The following TPD52L1 variants were observed in gnomAD, a reference collection of about 807,000 sequenced individuals.
TPD52L1 encodes TPD52 like 1.
A neutral mutation model predicts 28.7 loss-of-function variants in TPD52L1; 18 were observed. That is an observed-to-expected ratio of 0.63 (90% CI 0.43 to 0.93). The LOEUF (loss-of-function observed/expected upper bound fraction) is 0.93. TPD52L1 is among the 40% of genes least tolerant of loss of function. The probability of loss-of-function intolerance (pLI) is 0.00; values close to 1 mark genes in which losing one functional copy is unlikely to be tolerated. For missense variants in TPD52L1, 203 were observed against 254.8 expected (o/e 0.80, Z 1.39); for synonymous variants, 75 against 88.8 (o/e 0.84, Z 0.88).
intron 2 of TPD52L1, among the ~76,000 whole-genome samples, chr6:125,221,170 A>T (rs574324257): frequency 6.6e-6 from 1 of 152,172 alleles, no homozygotes; most frequent in Non-Finnish European, 1.5e-5. Flanking sequence ...TACAAGACAC[A>T]CCTCCAAGTT....
At chr6:125,241,746 A>G (rs774294633) in intron 3 of TPD52L1, among the ~76,000 whole-genome samples, 4 of 151,094 alleles carry the variant, frequency 2.6e-5, no homozygotes, top group Non-Finnish European at 4.4e-5. Flanking sequence ...TGGTCTATCA[A>G]TTTTGTTTAT....
At chr6:125,169,884 T>C (rs73771237) in intron 1 of TPD52L1, among the ~76,000 whole-genome samples, 9,483 of 152,170 alleles carry the variant, frequency 0.062, 574 homozygotes, top group East Asian at 0.33. Context: ...GGCCTTTCCT[T>C]CTTCCTCTTT....
At chr6:125,261,285 C>G (rs2039922) in intron 6 of TPD52L1, 45 of 151,852 alleles carry the variant, frequency 3.0e-4, no homozygotes, top group African/African-American at 1.1e-3. Flanking sequence ...ACAATTAGAG[C>G]GAAGTGTGTT....
chr6:125,196,122 AT>A (rs1793427033), intron 1 of TPD52L1, among the ~76,000 whole-genome samples: 1 of 152,208 alleles, frequency 6.6e-6, no homozygotes, highest in Non-Finnish European at 1.5e-5. Context: ...AAAGATTCTA[AT>A]TCAGTAGGAC....
intron 1 of TPD52L1, among the ~76,000 whole-genome samples, chr6:125,198,465 A>G (rs1229849246): frequency 6.6e-6 from 1 of 152,156 alleles, no homozygotes; most frequent in East Asian, 1.9e-4. Flanking sequence ...AGAGAGATCT[A>G]TTTACAAACA....
At chr6:125,209,663 G>A (rs946808867) in intron 1 of TPD52L1, among the ~76,000 whole-genome samples, 5 of 152,180 alleles carry the variant, frequency 3.3e-5, no homozygotes, top group African/African-American at 1.2e-4. Flanking sequence ...GCTGTGTTGA[G>A]GTGTGCTGGG....
intron 1 of TPD52L1, among the ~76,000 whole-genome samples, chr6:125,172,152 C>CTTTCT (rs1376600374): frequency 9.7e-5 from 5 of 51,300 alleles, no homozygotes; most frequent in Non-Finnish European, 1.8e-4. Flanking sequence ...TTCTTTCTTT[C>CTTTCT]TTTCTTTTCT....
chr6:125,210,490 G>A (rs920253923), intron 1 of TPD52L1, among the ~76,000 whole-genome samples: 2 of 152,302 alleles, frequency 1.3e-5, no homozygotes, highest in Admixed American at 1.3e-4. Context: ...GACAGATTAA[G>A]CCAGAATAAG....
intron 1 of TPD52L1, among the ~76,000 whole-genome samples, chr6:125,159,656 C>CA (rs1486875517): frequency 1.3e-5 from 2 of 152,088 alleles, no homozygotes; most frequent in East Asian, 1.9e-4. Context: ...CTAGTTCCAA[C>CA]AAAAAAATCA....
At chr6:125,251,168 A>G (rs1051061514) in intron 4 of TPD52L1, among the ~76,000 whole-genome samples, 61 of 152,328 alleles carry the variant, frequency 4.0e-4, no homozygotes, top group African/African-American at 1.4e-3. Flanking sequence ...TTGTTCAAAA[A>G]CTAATGTGCC....
At chr6:125,177,759 TA>T (rs1319798928) in intron 1 of TPD52L1, among the ~76,000 whole-genome samples, 1 of 152,186 alleles carries the variant, frequency 6.6e-6, no homozygotes, top group Non-Finnish European at 1.5e-5. Context: ...TTGCAAGTGT[TA>T]TACTATTTAT....
chr6:125,185,039 G>A (rs1223223212), intron 1 of TPD52L1, among the ~76,000 whole-genome samples: 4 of 151,978 alleles, frequency 2.6e-5, no homozygotes, highest in Non-Finnish European at 5.9e-5. Flanking sequence ...AAGACAAAGA[G>A]CAAACAAAAT....
chr6:125,204,446 A>G (rs563674195), intron 1 of TPD52L1, among the ~76,000 whole-genome samples: 3 of 152,224 alleles, frequency 2.0e-5, no homozygotes, highest in Non-Finnish European at 4.4e-5. Flanking sequence ...ACACTTTAAG[A>G]AGAAATGTGC....
At chr6:125,165,158 CAA>C (rs1337476898) in intron 1 of TPD52L1, among the ~76,000 whole-genome samples, 1 of 128,500 alleles carries the variant, frequency 7.8e-6, no homozygotes, top group African/African-American at 3.4e-5. Flanking sequence ...AAAAGTAAAA[CAA>C]GAAAAAATTT....
At chr6:125,159,109 C>T (rs1275419946) in intron 1 of TPD52L1, among the ~76,000 whole-genome samples, 5 of 152,146 alleles carry the variant, frequency 3.3e-5, no homozygotes, top group East Asian at 3.8e-4. Context: ...AGTAAGACAA[C>T]GAGGAAGTTT....
At chr6:125,206,308 AT>A (rs1794133604) in intron 1 of TPD52L1, among the ~76,000 whole-genome samples, 1 of 152,168 alleles carries the variant, frequency 6.6e-6, no homozygotes, top group Non-Finnish European at 1.5e-5. Context: ...TCTTAGTGCA[AT>A]TTATAATGCA....
At chr6:125,159,885 T>G (rs1235909683) in intron 1 of TPD52L1, among the ~76,000 whole-genome samples, 1 of 152,140 alleles carries the variant, frequency 6.6e-6, no homozygotes, top group East Asian at 1.9e-4. Context: ...GAATTGTAGC[T>G]CCCATAATTC....
intron 2 of TPD52L1, among the ~76,000 whole-genome samples, chr6:125,228,084 C>G (rs2114984099): frequency 6.6e-6 from 1 of 152,266 alleles, no homozygotes; most frequent in Admixed American, 6.5e-5. Context: ...TATAAAATAA[C>G]TATCTGCAAA....
At chr6:125,238,289 C>T (rs1796400394) in intron 3 of TPD52L1, among the ~76,000 whole-genome samples, 1 of 152,116 alleles carries the variant, frequency 6.6e-6, no homozygotes, top group Non-Finnish European at 1.5e-5. Context: ...TATTTCTAGT[C>T]TTTAACATTT....
Sources: gnomAD v4.1 joint callset for allele counts (sites outside exome capture counted in the v4.1 genomes callset) on GRCh38, gnomAD v4.1.1 for gene constraint, MANE v1.5 for transcripts, NCBI Gene and HGNC (gene_info 2026-07-23, HGNC 2026-07-21) for gene names.